The following MLLT10 variants were observed in gnomAD, a reference collection of about 807,000 sequenced individuals.
The protein encoded by MLLT10 is MLLT10 histone lysine methyltransferase DOT1L cofactor.
In MLLT10, 30 loss-of-function variants were observed where a neutral mutation model predicts 129.1. The observed-to-expected ratio is 0.23, with a 90% CI of 0.17 to 0.32. MLLT10 has a LOEUF of 0.32. Ranked by LOEUF, MLLT10 falls within the 10% of genes least tolerant of loss-of-function variation. The pLI, the probability that MLLT10 is intolerant of heterozygous loss-of-function variation, is 1.00. For synonymous variants in MLLT10, 490 were observed against 446.4 expected (o/e 1.10, Z -1.23); for missense variants, 1,119 against 1,268.3 (o/e 0.88, Z 1.79).
chr10:21,726,397 C>T (rs755009387), intron 15 of MLLT10, 42 bp downstream of exon 15: 28 of 1,388,370 alleles, frequency 2.0e-5, no homozygotes, highest in Middle Eastern at 1.8e-4. Flanking sequence ...CCTACTCTCA[C>T]CTACTTTAAT....
chr10:21,714,040 G>A (rs1465492401), intron 14 of MLLT10, 90 bp downstream of exon 14: 1 of 1,089,018 alleles, frequency 9.2e-7, no homozygotes, highest in African/African-American at 1.6e-5. Flanking sequence ...ATGACATAGG[G>A]CCTTCTATAG....
rs193253280 is a variant in MLLT10 at position 21,556,866 on chromosome 10, A to T, written c.240+17954A>T. On this transcript the variant is annotated intron_variant, in intron 3 of 22. Coordinates refer to ENST00000307729, the MANE Select transcript of MLLT10 (RefSeq NM_001195626.3). ...CATATGTCCTTTCTAGTTTCCAGGG[A>T]TATTCTTTTTTATATTTATGGCTTT... 3.6e-4 allele frequency: 552 copies of T among 1,550,988 alleles called. 3 individuals carry two copies. The East Asian group carries it at 9.4e-3, about 27-fold the overall frequency.
At chr10:21,570,064 C>T (rs191873654) in intron 3 of MLLT10, among the ~76,000 whole-genome samples, 197 of 152,174 alleles carry the variant, frequency 1.3e-3, no homozygotes, top group Non-Finnish European at 2.6e-3. Flanking sequence ...CATGTGTCAC[C>T]ATGCCCAGCT....
chr10:21,546,980 C>T (rs574861308), intron 3 of MLLT10, among the ~76,000 whole-genome samples: 3 of 152,222 alleles, frequency 2.0e-5, no homozygotes, highest in Non-Finnish European at 2.9e-5. Context: ...GCCTCAGCGT[C>T]CCAAAGTCCT....
At chr10:21,736,248 T>C (rs1290811795) in intron 21 of MLLT10, among the ~76,000 whole-genome samples, 1 of 152,120 alleles carries the variant, frequency 6.6e-6, no homozygotes, top group African/African-American at 2.4e-5. Context: ...GTTAAAATAG[T>C]ATGGGCTACG....
intron 14 of MLLT10, among the ~76,000 whole-genome samples, chr10:21,720,948 C>T (rs111653630): frequency 6.6e-6 from 1 of 152,218 alleles, no homozygotes; most frequent in East Asian, 1.9e-4. Context: ...AAATTGAGGA[C>T]AGAGAGGTTT....
intron 9 of MLLT10, among the ~76,000 whole-genome samples, chr10:21,660,615 CAA>C (rs55685640): frequency 9.6e-5 from 4 of 41,820 alleles, no homozygotes; most frequent in Admixed American, 2.9e-4. Context: ...GACTCCATCT[CAA>C]AAAAAAAAAA....
intron 5 of MLLT10, among the ~76,000 whole-genome samples, chr10:21,608,188 A>C (rs962417499): frequency 2.1e-5 from 3 of 144,126 alleles, no homozygotes; most frequent in Non-Finnish European, 3.0e-5. Flanking sequence ...TTTTTTTTTG[A>C]GACAGGGTCT....
At chr10:21,651,076 TG>T (rs2131321309) in intron 8 of MLLT10, among the ~76,000 whole-genome samples, 1 of 150,858 alleles carries the variant, frequency 6.6e-6, no homozygotes, top group South Asian at 2.1e-4. Context: ...TGTTTTGTTT[TG>T]TTTTGTTTTG....
chr10:21,716,087 C>A (rs541932725), intron 14 of MLLT10, among the ~76,000 whole-genome samples: 2 of 152,238 alleles, frequency 1.3e-5, no homozygotes, highest in South Asian at 4.1e-4. Context: ...CTGCCTGAGA[C>A]AATAGTAATG....
chr10:21,611,466 G>T (rs767904600), intron 5 of MLLT10, among the ~76,000 whole-genome samples: 4 of 151,992 alleles, frequency 2.6e-5, no homozygotes, highest in Admixed American at 6.6e-5. Flanking sequence ...GTTGGGCTAG[G>T]TTATGCTTTA....
At chr10:21,687,764 C>A (rs188477367) in intron 13 of MLLT10, among the ~76,000 whole-genome samples, 1 of 151,540 alleles carries the variant, frequency 6.6e-6, no homozygotes, top group African/African-American at 2.4e-5. Context: ...GGCACCTGAC[C>A]GTTAGTAAAC....
At chr10:21,734,209 A>G (rs549486971) in intron 20 of MLLT10, 80 bp downstream of exon 20, 72 of 1,486,588 alleles carry the variant, frequency 4.8e-5, no homozygotes, top group South Asian at 3.8e-4. Flanking sequence ...GGGGCTTTCA[A>G]TGTGTTCCTT....
At chr10:21,623,030 G>GA (rs1360942548) in intron 8 of MLLT10, among the ~76,000 whole-genome samples, 1 of 152,208 alleles carries the variant, frequency 6.6e-6, no homozygotes, top group African/African-American at 2.4e-5. Flanking sequence ...CAGCTGGATG[G>GA]AAGAGACACA....
rs143667972 is a variant in MLLT10 at position 21,563,211 on chromosome 10, A to G, written c.241-23083A>G. Among the ~76,000 whole-genome samples, 43 of 152,220 alleles carry G rather than the reference A, an allele frequency of 2.8e-4. No individual in the cohort carries two copies. In the East Asian group the frequency reaches 7.1e-3, roughly 25 times the overall value. On this transcript the variant is annotated intron_variant, in intron 3 of 22. Coordinates refer to ENST00000307729, the MANE Select transcript of MLLT10 (RefSeq NM_001195626.3). ...TTTTGTTACCTCAAGGATGTTATAT[A>G]AATGGGATGATAGAACTTGTAATTT... is the stretch of plus-strand genomic sequence containing the variant.
intron 3 of MLLT10, among the ~76,000 whole-genome samples, chr10:21,555,527 C>T (rs949018599): frequency 6.6e-6 from 1 of 151,924 alleles, no homozygotes; most frequent in African/African-American, 2.4e-5. Flanking sequence ...CTGGCTGATA[C>T]TTTAATTGGA....
chr10:21,675,855 AAAATTAAGAT>A (rs1039637284), intron 11 of MLLT10, among the ~76,000 whole-genome samples: 8 of 152,216 alleles, frequency 5.3e-5, no homozygotes, highest in Non-Finnish European at 1.2e-4. Flanking sequence ...TCAAATTAAT[AAAATTAAGAT>A]ATTGATTTAC....
At position 21,560,878 on chromosome 10, in the gene MLLT10, C is replaced by T. The variant is rs1014428898; in HGVS notation, c.240+21966C>T. Among the ~76,000 whole-genome samples the T allele has an allele frequency of 7.9e-5, 12 of 151,908 alleles. 1 individual carries two copies. The highest frequency in any genetic ancestry group is 1.3e-4 in the Admixed American group (2 of 15,228). On this transcript the variant is annotated intron_variant, in intron 3 of 22. Coordinates refer to ENST00000307729, the MANE Select transcript of MLLT10 (RefSeq NM_001195626.3). Reference sequence around the variant, plus strand: ...TGCTTCTTGGCCATTTGTGTGTATTCTTTGGAGAATTTTCTGTTCAGGTCC... The same window carrying T: ...TGCTTCTTGGCCATTTGTGTGTATTTTTTGGAGAATTTTCTGTTCAGGTCC...
At position 21,673,669 on chromosome 10, in the gene MLLT10, C is replaced by A; in HGVS notation, c.1371C>A (p.Gly457=). ...GATATAAGCGGGCTCAAACTTCTGGCATAGAAGAAGAAACTGTAAAGGAAA... is the reference window on the plus strand; with the variant it reads ...GATATAAGCGGGCTCAAACTTCTGGAATAGAAGAAGAAACTGTAAAGGAAA... ...TAGYKRAQTS[G]IEEETVKEKK... Residue 457 remains glycine (G), a synonymous_variant, in exon 11 of 23, where the codon GGC becomes GGA. Transcript: ENST00000307729. 6.2e-7 allele frequency: 1 copy of A among 1,613,978 alleles called. No individual in the cohort carries two copies. The highest frequency in any genetic ancestry group is 8.5e-7 in the Non-Finnish European group (1 of 1,180,004).
Sources: gnomAD v4.1 joint callset for allele counts (sites outside exome capture counted in the v4.1 genomes callset) on GRCh38, gnomAD v4.1.1 for gene constraint, MANE v1.5 for transcripts, NCBI Gene and HGNC (gene_info 2026-07-23, HGNC 2026-07-21) for gene names.